The following CEP57L1 variants were observed in gnomAD, a reference collection of about 807,000 sequenced individuals.
CEP57L1 encodes the protein centrosomal protein 57 like 1, also known as centrosomal protein CEP57L1.
A neutral mutation model predicts 61.0 loss-of-function variants in CEP57L1; 37 were observed. The ratio of observed to expected loss-of-function variants is 0.61; its 90% CI spans 0.47 to 0.80. The LOEUF is 0.80. Among genes scored for constraint, CEP57L1 ranks in the 30% least tolerant of loss-of-function variants. The probability of loss-of-function intolerance (pLI) is 0.00; values close to 1 mark genes in which losing one functional copy is unlikely to be tolerated. For missense variants in CEP57L1, 422 were observed against 524.7 expected (o/e 0.80, Z 1.91); for synonymous variants, 137 against 162.3 (o/e 0.84, Z 1.19).
intron 1 of CEP57L1, among the ~76,000 whole-genome samples, chr6:109,096,820 C>T (rs1672042121): frequency 6.6e-6 from 1 of 152,150 alleles, no homozygotes; most frequent in Admixed American, 6.5e-5. Context: ...ATTCTCTATC[C>T]AGCCCATAAA....
rs960057192 is a variant in CEP57L1 at position 109,162,879 on chromosome 6, A to T, written c.1292A>T (p.Asn431Ile). 5.0e-6 allele frequency: 8 copies of T among 1,613,228 alleles called. No homozygotes were observed. In the East Asian group the frequency reaches 1.6e-4, roughly 32 times the overall value. The change falls in exon 11 of 11, where the codon AAC becomes ATC. Residue 431 changes from asparagine (N) to isoleucine (I), a missense_variant. Asn to Ile is a moderately radical substitution (Grantham distance 149). Transcript: ENST00000517392. ...CCCAGAAAATGTTTGACTGACACTA[A>T]CCTTTTTCAGAAAAACAGCAGCTTT... is the stretch of plus-strand genomic sequence containing the variant. ...NSPRKCLTDT[N>I]LFQKNSSFHP...
At chr6:109,148,567 C>T (rs562268335) in intron 3 of CEP57L1, among the ~76,000 whole-genome samples, 11 of 152,150 alleles carry the variant, frequency 7.2e-5, no homozygotes, top group Non-Finnish European at 1.2e-4. Context: ...TGAATAGTGC[C>T]GCAATAAACA....
chr6:109,139,433 G>A (rs1308951266), intron 1 of CEP57L1, among the ~76,000 whole-genome samples: 1 of 151,868 alleles, frequency 6.6e-6, no homozygotes, highest in Non-Finnish European at 1.5e-5. Flanking sequence ...CATAGTAGCT[G>A]GAATTACAGT....
At position 109,119,470 on chromosome 6, in the gene CEP57L1, A is replaced by G. The variant is rs539733711; in HGVS notation, c.-4+23895A>G. ...ACCTCCTCAGGACTTGAGAATGGGG[A>G]GTAGGAGGATGATCCTATTAAGTGA... On this transcript the variant is annotated intron_variant, in intron 1 of 10. Transcript: ENST00000517392. 3.9e-5 allele frequency among the ~76,000 whole-genome samples: 6 copies of G among 152,246 alleles called. 1 individual carries two copies. In the South Asian group the frequency reaches 1.2e-3, roughly 32 times the overall value.
intron 1 of CEP57L1, among the ~76,000 whole-genome samples, chr6:109,144,117 C>A (rs1045304205): frequency 6.6e-6 from 1 of 152,118 alleles, no homozygotes; most frequent in Non-Finnish European, 1.5e-5. Context: ...TCTTAGCAAA[C>A]CTTAGGCTTT....
intron 1 of CEP57L1, among the ~76,000 whole-genome samples, chr6:109,143,551 G>T (rs1771646936): frequency 6.6e-6 from 1 of 151,830 alleles, no homozygotes; most frequent in Non-Finnish European, 1.5e-5. Flanking sequence ...GGATTATTCT[G>T]CTTGTGCCCA....
rs1774497806 is a variant in CEP57L1 at position 109,133,920 on chromosome 6, A to G, written c.-3-11299A>G. On this transcript the variant is annotated intron_variant, in intron 1 of 10. Transcript: ENST00000517392. ...GGCTCTGAAATTGAGGCAATAATTA[A>G]TAGCTTACCAACCAAAACAAGTCGA... Among the ~76,000 whole-genome samples, 3 of 152,196 alleles carry G rather than the reference A, an allele frequency of 2.0e-5. No homozygotes were observed. In the South Asian group the frequency reaches 6.2e-4, roughly 31 times the overall value.
intron 3 of CEP57L1, among the ~76,000 whole-genome samples, chr6:109,147,736 G>T (rs1011240057): frequency 3.9e-5 from 6 of 152,196 alleles, no homozygotes; most frequent in African/African-American, 9.7e-5. Context: ...GAGAGTGGTA[G>T]ATGCATATAC....
intron 4 of CEP57L1, among the ~76,000 whole-genome samples, chr6:109,150,592 G>A (rs1772500079): frequency 2.0e-5 from 3 of 151,494 alleles, no homozygotes. Context: ...AACCCGGGAG[G>A]CAGAGGTTGC....
intron 1 of CEP57L1, among the ~76,000 whole-genome samples, chr6:109,123,489 T>C (rs1371091885): frequency 6.6e-6 from 1 of 152,192 alleles, no homozygotes; most frequent in Non-Finnish European, 1.5e-5. Flanking sequence ...AATCAATGCA[T>C]GTAAACTTCT....
rs550887518 is a variant in CEP57L1 at position 109,167,619 on chromosome 6, G to T, written c.*4649G>T. Among the ~76,000 whole-genome samples, 47 of 152,060 alleles carry T rather than the reference G, an allele frequency of 3.1e-4. No individual in the cohort carries two copies. Among genetic ancestry groups the T allele is most frequent in the African/African-American group, 1.1e-3 (45 of 41,422 alleles). Reference sequence around the variant, plus strand: ...TTGAACCTGGGAGGCAGAGGTTGCGGTGAGCCGAGATTGTGCCACTGCACT... The same window carrying T: ...TTGAACCTGGGAGGCAGAGGTTGCGTTGAGCCGAGATTGTGCCACTGCACT... On this transcript the variant is annotated 3_prime_UTR_variant, in exon 11 of 11. Transcript: ENST00000517392.
At chr6:109,133,931 A>G (rs1774499169) in intron 1 of CEP57L1, among the ~76,000 whole-genome samples, 1 of 152,176 alleles carries the variant, frequency 6.6e-6, no homozygotes, top group Non-Finnish European at 1.5e-5. Flanking sequence ...TAGCTTACCA[A>G]CCAAAACAAG....
chr6:109,099,697 C>A (rs1010006179), intron 1 of CEP57L1, among the ~76,000 whole-genome samples: 5 of 151,948 alleles, frequency 3.3e-5, no homozygotes. Flanking sequence ...CTACAGACAC[C>A]CGCCACCATG....
chr6:109,098,425 T>C (rs1781975262), intron 1 of CEP57L1, among the ~76,000 whole-genome samples: 2 of 151,806 alleles, frequency 1.3e-5, no homozygotes, highest in South Asian at 4.2e-4. Context: ...GGATTACAGG[T>C]GTGAGCCACC....
chr6:109,132,692 A>T (rs1583511338), intron 1 of CEP57L1, among the ~76,000 whole-genome samples: 1 of 152,160 alleles, frequency 6.6e-6, no homozygotes, highest in Non-Finnish European at 1.5e-5. Flanking sequence ...ATAATACTAA[A>T]TTGTTTTAAA....
intron 1 of CEP57L1, among the ~76,000 whole-genome samples, chr6:109,096,573 A>G (rs1158884733): frequency 1.3e-5 from 2 of 152,300 alleles, no homozygotes; most frequent in East Asian, 1.9e-4. Context: ...CTTTTTGTGT[A>G]TTGATGCACT....
intron 5 of CEP57L1, 84 bp from the exon 6 acceptor site, chr6:109,155,146 C>T: frequency 1.5e-6 from 1 of 645,422 alleles, no homozygotes; most frequent in South Asian, 3.5e-5. Context: ...GAATCAAGAC[C>T]CCCTAGGACT....
In CEP57L1 at chr6:109,171,242, AT is replaced by A. The variant is rs751539209; in HGVS notation, c.*8285del. On this transcript the variant is annotated 3_prime_UTR_variant, in exon 11 of 11. Coordinates refer to ENST00000517392, the MANE Select transcript of CEP57L1 (RefSeq NM_001271852.3). ...AAATAATGCCACAAAGTAGAGTTTG[AT>A]TTTTTTTTTTTTGAGACGGAGTTTC... 6.8e-4 allele frequency among the ~76,000 whole-genome samples: 98 copies of A among 143,356 alleles called. No individual in the cohort carries two copies. The highest frequency in any genetic ancestry group is 1.2e-3 in the African/African-American group (48 of 39,012). 94.0% of individuals were successfully genotyped at this position (143,356 alleles called of 152,430 possible).
rs113721386 is a variant in CEP57L1 at position 109,173,934 on chromosome 6, TA to T, written c.*10980del. Among the ~76,000 whole-genome samples, 558 of 136,794 alleles carry T rather than the reference TA, an allele frequency of 4.1e-3. No individual in the cohort carries two copies. Among genetic ancestry groups the T allele is most frequent in the Admixed American group, 4.2e-3 (57 of 13,496 alleles). The allele number at this position is 136,794 out of a possible 152,430, so 89.7% of individuals were successfully genotyped here. ...CAACATGGTGAAACCCCGTCTCTAC[TA>T]AAAAAAAAAAAAAAATTAGCTGGGT... On this transcript the variant is annotated 3_prime_UTR_variant, in exon 11 of 11. Coordinates refer to ENST00000517392, the MANE Select transcript of CEP57L1 (RefSeq NM_001271852.3).
Sources: allele counts gnomAD v4.1 joint callset (sites outside exome capture counted in the v4.1 genomes callset), GRCh38; gene constraint gnomAD v4.1.1; transcripts MANE v1.5; gene names NCBI Gene and HGNC (gene_info 2026-07-23, HGNC 2026-07-21).